COBL: variants seen among roughly 807,000 people sequenced by gnomAD.
The protein encoded by COBL is protein cordon-bleu.
In COBL, 51 loss-of-function variants were observed where a neutral mutation model predicts 98.8. That is an observed-to-expected ratio of 0.52 (90% confidence interval 0.41 to 0.65). The LOEUF (loss-of-function observed/expected upper bound fraction) is 0.65, where lower values mean the gene tolerates loss of function less well. Ranked by LOEUF, COBL falls within the 30% of genes least tolerant of loss-of-function variation. COBL has a pLI of 0.00. For synonymous variants in COBL, 634 were observed against 651.7 expected (o/e 0.97, Z 0.41); for missense variants, 1,617 against 1,617.5 (o/e 1.00, Z 0.01).
At chr7:51,183,130 C>T (rs1230636168) in intron 5 of COBL, among the ~76,000 whole-genome samples, 1 of 152,208 alleles carries the variant, frequency 6.6e-6, no homozygotes, top group Non-Finnish European at 1.5e-5. Flanking sequence ...GCACCACAGG[C>T]CACTGAAGGG....
chr7:51,253,704 C>T (rs1227531675), intron 1 of COBL, among the ~76,000 whole-genome samples: 1 of 152,168 alleles, frequency 6.6e-6, no homozygotes, highest in Non-Finnish European at 1.5e-5. Context: ...TTAAGAATTA[C>T]AACACAACAC....
At position 51,050,745 on chromosome 7, in the gene COBL, C is replaced by T. The variant is rs375875440; in HGVS notation, c.1097-7053G>A. ...ATAGTTCTAAGACAATGTTTCAGCT[C>T]CTGGCCCCAACCATGCCCATAATAA... On this transcript the variant is annotated intron_variant, in intron 7 of 12. Coordinates refer to ENST00000265136, the MANE Select transcript of COBL (RefSeq NM_015198.5). Among the ~76,000 whole-genome samples the T allele has an allele frequency of 4.9e-3, 739 of 152,308 alleles. 3 individuals are homozygous for T. Among genetic ancestry groups the T allele is most frequent in the Middle Eastern group, 0.021 (6 of 292 alleles).
At chr7:51,220,143 T>C (rs1349270396) in intron 1 of COBL, among the ~76,000 whole-genome samples, 199 bp from the exon 2 acceptor site, 1 of 152,168 alleles carries the variant, frequency 6.6e-6, no homozygotes, top group Admixed American at 6.5e-5. Flanking sequence ...AAAGGAAGCA[T>C]TCCCGGAAAG....
intron 2 of COBL, among the ~76,000 whole-genome samples, chr7:51,211,727 C>T (rs1792453303): frequency 6.6e-6 from 1 of 152,164 alleles, no homozygotes; most frequent in South Asian, 2.1e-4. Context: ...CTAAGACAAT[C>T]AGACCCTCTC....
intron 1 of COBL, among the ~76,000 whole-genome samples, chr7:51,243,835 A>G (rs930907200): frequency 6.6e-6 from 1 of 151,106 alleles, no homozygotes; most frequent in African/African-American, 2.4e-5. Flanking sequence ...ATGGACCTTC[A>G]GGTGTGAGGA....
At chr7:51,050,569 A>G (rs1790135766) in intron 7 of COBL, among the ~76,000 whole-genome samples, 1 of 152,244 alleles carries the variant, frequency 6.6e-6, no homozygotes, top group Non-Finnish European at 1.5e-5. Context: ...ATGCTGGACC[A>G]ATCAAAGTCC....
In COBL at chr7:51,016,297, A is replaced by G. The variant is rs1265623393; in HGVS notation, c.*1254T>C. On this transcript the variant is annotated 3_prime_UTR_variant, in exon 13 of 13. Coordinates refer to ENST00000265136, the MANE Select transcript of COBL (RefSeq NM_015198.5). ...TTGGCTGGTAGCTCGTGCCTCACCA[A>G]GAGTTTAGCAACGTTAATCAGTGAA... The G allele has an allele frequency of 1.3e-5, 2 of 152,242 alleles. No individual in the cohort carries two copies. Among genetic ancestry groups the G allele is most frequent in the African/African-American group, 2.4e-5 (1 of 41,466 alleles). 9.4% of individuals were successfully genotyped at this position (152,242 alleles called of 1,614,324 possible).
intron 1 of COBL, among the ~76,000 whole-genome samples, chr7:51,283,753 G>A (rs1800019422): frequency 1.3e-5 from 2 of 152,088 alleles, no homozygotes; most frequent in Admixed American, 6.5e-5. Flanking sequence ...CCAGAGTGCT[G>A]GGATTATAGT....
chr7:51,060,528 G>C (rs1454234254), intron 7 of COBL, among the ~76,000 whole-genome samples: 1 of 138,966 alleles, frequency 7.2e-6, no homozygotes, highest in African/African-American at 2.8e-5. Flanking sequence ...GGGTCAGAGA[G>C]GTAGCAGTAC....
At chr7:51,195,136 T>C (rs1014423247) in intron 2 of COBL, among the ~76,000 whole-genome samples, 2 of 152,188 alleles carry the variant, frequency 1.3e-5, no homozygotes, top group Admixed American at 6.5e-5. Context: ...CTTCCAGGGT[T>C]TTTATAGTTT....
chr7:51,148,761 G>T (rs1055104656), intron 5 of COBL, among the ~76,000 whole-genome samples: 11 of 152,160 alleles, frequency 7.2e-5, no homozygotes, highest in African/African-American at 2.7e-4. Flanking sequence ...CCAGGCCAAG[G>T]TGTGGGAAGG....
chr7:51,259,999 T>C (rs1797575645), intron 1 of COBL: 1 of 758,752 alleles, frequency 1.3e-6, no homozygotes, highest in East Asian at 2.4e-5. Flanking sequence ...CCAGGAATCA[T>C]ATAGGAATGA....
chr7:51,017,711 AG>A, intron 12 of COBL, 143 bp from the exon 13 acceptor site: 1 of 857,812 alleles, frequency 1.2e-6, no homozygotes, highest in Non-Finnish European at 1.9e-6. Context: ...ACCTGCAGAA[AG>A]GAGGCTGTGA....
At chr7:51,180,463 C>T (rs1298794871) in intron 5 of COBL, among the ~76,000 whole-genome samples, 1 of 152,174 alleles carries the variant, frequency 6.6e-6, no homozygotes, top group African/African-American at 2.4e-5. Flanking sequence ...CCACAAGAGG[C>T]TTTTAAAAAT....
intron 5 of COBL, among the ~76,000 whole-genome samples, chr7:51,158,703 A>G (rs2129031855): frequency 6.6e-6 from 1 of 152,314 alleles, no homozygotes; most frequent in South Asian, 2.1e-4. Context: ...GGAGCTGGAA[A>G]AGAATGCAGG....
In COBL at chr7:51,184,203, GAA is replaced by G; in HGVS notation, c.686-6_686-5del. ...AGTGATGATTTCCTAAAGGTTTCTGGAAAAAAAAAGCACTAAGTTATTTTTCA... is the reference window on the plus strand; with the variant it reads ...AGTGATGATTTCCTAAAGGTTTCTGGAAAAAAAGCACTAAGTTATTTTTCA... On this transcript the variant is annotated splice_polypyrimidine_tract_variant and splice_region_variant and intron_variant, in intron 4 of 12. Coordinates refer to ENST00000265136, the MANE Select transcript of COBL (RefSeq NM_015198.5). 6.9e-7 allele frequency: 1 copy of G among 1,454,920 alleles called. No homozygotes were observed. The highest frequency in any genetic ancestry group is 9.2e-7 in the Non-Finnish European group (1 of 1,083,362). 90.1% of individuals were successfully genotyped at this position (1,454,920 alleles called of 1,614,324 possible).
chr7:51,029,465 A>G lies in COBL; in HGVS notation c.1631T>C (p.Ile544Thr), dbSNP rs765323342. Reference protein sequence around the residue: ...GDTDAIPVTFIGEVSDDPVDS... With the variant: ...GDTDAIPVTFTGEVSDDPVDS... ...CACAGGATCATCTGAAACTTCCCCT[A>G]TGAATGTTACTGGGATTGCATCTGT... Residue 544 changes from isoleucine to threonine, a missense_variant, in exon 10 of 13, where the codon ATA (isoleucine) becomes ACA (threonine). Physicochemically the swap from Ile to Thr is moderately conservative, Grantham distance 89 (BLOSUM62 -1). This residue lies in a region of COBL where 1,304 missense variants were observed against 1,282.0 expected (regional missense o/e 1.02). Transcript: ENST00000265136. 17 of 1,613,986 alleles carry G rather than the reference A, an allele frequency of 1.1e-5. No homozygotes were observed. Among genetic ancestry groups the G allele is most frequent in the Non-Finnish European group, 1.2e-5 (14 of 1,180,034 alleles).
intron 6 of COBL, among the ~76,000 whole-genome samples, chr7:51,088,124 G>A (rs1435877946): frequency 6.6e-6 from 1 of 152,090 alleles, no homozygotes; most frequent in East Asian, 1.9e-4. Context: ...ATGATGGCAA[G>A]TGCTGGGTGG....
intron 7 of COBL, among the ~76,000 whole-genome samples, chr7:51,074,179 A>C (rs965157003): frequency 6.6e-6 from 1 of 150,892 alleles, no homozygotes; most frequent in African/African-American, 2.4e-5. Context: ...TAACTAGTAA[A>C]ACAAGGTAAT....
Sources: allele counts gnomAD v4.1 joint callset (sites outside exome capture counted in the v4.1 genomes callset), GRCh38; gene constraint gnomAD v4.1.1; regional missense constraint gnomAD v4.1.1; transcripts MANE v1.5; gene names NCBI Gene and HGNC (gene_info 2026-07-23, HGNC 2026-07-21).